The following CTF1 variants were observed in gnomAD, a reference collection of about 807,000 sequenced individuals.
The protein encoded by CTF1 is cardiotrophin 1.
A neutral mutation model predicts 10.9 loss-of-function variants in CTF1; 9 were observed. The ratio of observed to expected loss-of-function variants is 0.83; its 90% CI spans 0.50 to 1.44. CTF1 has a LOEUF of 1.44. Ranked by LOEUF, CTF1 falls within the 40% of genes most tolerant of loss-of-function variation. CTF1 has a pLI of 0.00. For synonymous variants in CTF1, 133 were observed against 138.8 expected, an observed-to-expected ratio of 0.96 and a Z score of 0.29; for missense variants, 259 against 275.3, an observed-to-expected ratio of 0.94 and a Z score of 0.42.
intron 1 of CTF1, among the ~76,000 whole-genome samples, chr16:30,897,603 G>A (rs2055365292): frequency 1.3e-5 from 2 of 152,112 alleles, no homozygotes; most frequent in Admixed American, 6.6e-5. Flanking sequence ...ACAACATTTG[G>A]TCAACAGGTG....
chr16:30,899,271 T>C (rs1230233434), intron 1 of CTF1, 144 bp from the exon 2 acceptor site: 3 of 770,076 alleles, frequency 3.9e-6, no homozygotes, highest in Non-Finnish European at 7.3e-6. Flanking sequence ...GTAGACCACC[T>C]GCTTGACAAA....
rs892483374 is a variant in CTF1, at chr16:30,902,448, T to C, written c.515T>C (p.Val172Ala). 152 of 1,467,704 alleles carry C rather than the reference T, an allele frequency of 1.0e-4. No individual in the cohort carries two copies. Among genetic ancestry groups the C allele is most frequent in the Non-Finnish European group, 1.3e-4 (140 of 1,113,106 alleles). 90.9% of individuals were successfully genotyped at this position (1,467,704 alleles called of 1,614,324 possible). A position where few individuals can be genotyped will look rare whatever the true frequency, so the allele number is the denominator to read the frequency against. ...GCCACCGGGGTCTTCCCCGCCAAGG[T>C]GCTGGGGCTCCGCGTTTGCGGCCTC... is the stretch of plus-strand genomic sequence containing the variant. ...ASATGVFPAK[V>A]LGLRVCGLYR... Residue 172 changes from valine to alanine, a missense_variant, in exon 3 of 3, where the codon GTG becomes GCG. By Grantham distance (64) the Val-to-Ala change is moderately conservative. Transcript: ENST00000279804.
At chr16:30,897,972 A>G (rs1368410917) in intron 1 of CTF1, among the ~76,000 whole-genome samples, 1 of 150,236 alleles carries the variant, frequency 6.7e-6, no homozygotes, top group Non-Finnish European at 1.5e-5. Flanking sequence ...CTCCTGCCTC[A>G]GCCTCCCAAG....
At position 30,902,666 on chromosome 16, in the gene CTF1, C is replaced by T; in HGVS notation, c.*127C>T. ...TAGCTGTCTCCATTGCCTCGGCCTT[C>T]TTTGCTTTTTGTGGGGGAGAGGGGA... On this transcript the variant is annotated 3_prime_UTR_variant, in exon 3 of 3. Transcript: ENST00000279804. 7.7e-7 allele frequency: 1 copy of T among 1,293,172 alleles called. No homozygotes were observed. The highest frequency in any genetic ancestry group is 9.9e-7 in the Non-Finnish European group (1 of 1,010,588). The allele number at this position is 1,293,172 out of a possible 1,614,324, so 80.1% of individuals were successfully genotyped here. A position where few individuals can be genotyped will look rare whatever the true frequency, so the allele number is the denominator to read the frequency against.
rs1267092523 is a variant in CTF1, at chr16:30,902,233, G to A, written c.300G>A (p.Leu100=). Residue 100 remains leucine (L), a synonymous_variant, in exon 3 of 3, where the codon CTG becomes CTA. Transcript: ENST00000279804. ...CGGCGCTGGCCGCGCTGCCCCCGCT[G>A]CTGGACGCAGTGTGTCGCCGCCAGG... ...DAAALAALPP[L]LDAVCRRQAE... 13 of 1,137,862 alleles carry A rather than the reference G, an allele frequency of 1.1e-5. No homozygotes were observed. In the South Asian group the frequency reaches 5.0e-4, roughly 44 times the overall value. 70.5% of individuals were successfully genotyped at this position (1,137,862 alleles called of 1,614,324 possible).
intron 1 of CTF1, among the ~76,000 whole-genome samples, chr16:30,898,573 G>A (rs192962179): frequency 6.6e-6 from 1 of 152,004 alleles, no homozygotes; most frequent in African/African-American, 2.4e-5. Context: ...GATTACAGGC[G>A]TGAGCCACCA....
intron 1 of CTF1, among the ~76,000 whole-genome samples, chr16:30,898,930 A>G (rs1298102112): frequency 2.6e-5 from 4 of 152,192 alleles, no homozygotes; most frequent in African/African-American, 9.7e-5. Flanking sequence ...AAATGCTAAG[A>G]TTACAGACAT....
chr16:30,899,383 G>C, intron 1 of CTF1, 32 bp from the exon 2 acceptor site: 2 of 1,360,054 alleles, frequency 1.5e-6, no homozygotes, highest in Non-Finnish European at 2.1e-6. Context: ...CAGGAGGTTG[G>C]CCATCCTCAT....
chr16:30,902,580 C>G lies in CTF1; in HGVS notation c.*41C>G, dbSNP rs755837195. The G allele has an allele frequency of 3.4e-6, 5 of 1,483,368 alleles. No homozygotes were observed. Among genetic ancestry groups the G allele is most frequent in the Non-Finnish European group, 4.5e-6 (5 of 1,119,092 alleles). 91.9% of individuals were successfully genotyped at this position (1,483,368 alleles called of 1,614,324 possible). A position where few individuals can be genotyped will look rare whatever the true frequency, so the allele number is the denominator to read the frequency against. ...TCGCCCCGCCTCCTCCCGCTGGGTT[C>G]CGTCTCTCCTTCCGCTTCTTTGTCT... On this transcript the variant is annotated 3_prime_UTR_variant, in exon 3 of 3. Coordinates refer to ENST00000279804, the MANE Select transcript of CTF1 (RefSeq NM_001330.5).
At chr16:30,896,597 C>G (rs1019505732), upstream of CTF1, 7 of 1,253,632 alleles carry the variant, frequency 5.6e-6, no homozygotes, top group East Asian at 1.6e-4. Context: ...CTTTCTCCCC[C>G]CTCGAAAGGG....
chr16:30,896,598 C>A (rs771659895), upstream of CTF1: 5 of 1,253,808 alleles, frequency 4.0e-6, no homozygotes, highest in Non-Finnish European at 3.0e-6. Flanking sequence ...TTTCTCCCCC[C>A]TCGAAAGGGG....
intron 1 of CTF1, 127 bp from the exon 2 acceptor site, chr16:30,899,288 G>C: frequency 1.3e-6 from 1 of 783,120 alleles, no homozygotes; most frequent in South Asian, 1.4e-5. Context: ...CAAAGTTCTG[G>C]TGCCTCATTT....
At chr16:30,902,005 GT>G in intron 2 of CTF1, 72 bp from the exon 3 acceptor site, 1 of 1,296,710 alleles carries the variant, frequency 7.7e-7, no homozygotes, top group Non-Finnish European at 9.9e-7. Flanking sequence ...CAGAGAGCGG[GT>G]TGGAGAGCCC....
intron 2 of CTF1, among the ~76,000 whole-genome samples, chr16:30,901,743 AT>A (rs757616467): frequency 0.24 from 23,258 of 97,570 alleles, 3,754 homozygotes; most frequent in African/African-American, 0.52. Flanking sequence ...CACACTCGCT[AT>A]TTTTTTTTTT....
chr16:30,896,489 G>T, upstream of CTF1: 1 of 678,524 alleles, frequency 1.5e-6, no homozygotes. Context: ...GCTGAGCTCA[G>T]GGCCAAGGAA....
Position 30,899,551 on chromosome 16 carries a change from T to TGGGGTTGGGGGGG in CTF1, c.144+22_144+23insTTGGGGGGGGGGG. ...AGGAATATGTGAGTGGGAATGGGGGTGGGGGTGCCGGGGGCCTGGGGAATG... is the reference window on the plus strand; with the variant it reads ...AGGAATATGTGAGTGGGAATGGGGGTGGGGTTGGGGGGGGGGGGTGCCGGGGGCCTGGGGAATG... On this transcript the variant is annotated intron_variant, in intron 2 of 2. Coordinates refer to ENST00000279804, the MANE Select transcript of CTF1 (RefSeq NM_001330.5). 1 of 435,304 alleles carries TGGGGTTGGGGGGG rather than the reference T, an allele frequency of 2.3e-6. No individual in the cohort carries two copies. Among genetic ancestry groups the TGGGGTTGGGGGGG allele is most frequent in the East Asian group, 4.6e-5 (1 of 21,822 alleles). The allele number at this position is 435,304 out of a possible 1,614,324, so 27.0% of individuals were successfully genotyped here.
Position 30,902,742 on chromosome 16 carries a change from C to T in CTF1, c.*203C>T, listed in dbSNP as rs1422691043. ...CAGGCTGGGGTGCAGTGGCGCGATC[C>T]CAGCACTGCAGCCTCAACCTCCTGG... On this transcript the variant is annotated 3_prime_UTR_variant, in exon 3 of 3. Coordinates refer to ENST00000279804, the MANE Select transcript of CTF1 (RefSeq NM_001330.5). The T allele has an allele frequency of 7.1e-6, 5 of 699,330 alleles. No individual in the cohort carries two copies. The highest frequency in any genetic ancestry group is 8.1e-6 in the Non-Finnish European group (4 of 491,144). The allele number at this position is 699,330 out of a possible 1,614,324, so 43.3% of individuals were successfully genotyped here.
chr16:30,897,412 A>G (rs2055362620), intron 1 of CTF1, among the ~76,000 whole-genome samples: 1 of 152,150 alleles, frequency 6.6e-6, no homozygotes, highest in Non-Finnish European at 1.5e-5. Flanking sequence ...CTGAGGTAGA[A>G]ATATGTAAGC....
At chr16:30,900,893 C>A (rs1177264570) in intron 2 of CTF1, among the ~76,000 whole-genome samples, 1 of 151,136 alleles carries the variant, frequency 6.6e-6, no homozygotes, top group Non-Finnish European at 1.5e-5. Context: ...TCCAGCCCAA[C>A]ATTTTTTTTT....
Sources: allele counts gnomAD v4.1 joint callset (sites outside exome capture counted in the v4.1 genomes callset), GRCh38; gene constraint gnomAD v4.1.1; transcripts MANE v1.5; gene names NCBI Gene and HGNC (gene_info 2026-07-23, HGNC 2026-07-21).